Variants in NRXN3 observed in about 807,000 individuals in gnomAD.
The protein encoded by NRXN3 is neurexin III.
Under a neutral mutation model 137.6 loss-of-function variants are expected in NRXN3, and 32 were observed. That is an observed-to-expected ratio of 0.23 (90% CI 0.18 to 0.31). NRXN3 has a LOEUF of 0.31. Among genes scored for constraint, NRXN3 ranks in the 10% least tolerant of loss-of-function variants. The pLI, the probability that NRXN3 is intolerant of heterozygous loss-of-function variation, is 1.00. For missense variants in NRXN3, 1,574 were observed against 2,062.5 expected (o/e 0.76, Z 4.59); for synonymous variants, 798 against 784.5 (o/e 1.02, Z -0.29).
intron 6 of NRXN3, among the ~76,000 whole-genome samples, chr14:78,654,195 A>T (rs2097768394): frequency 1.3e-5 from 2 of 152,190 alleles, no homozygotes; most frequent in South Asian, 4.1e-4. Context: ...GTTTTTGATA[A>T]ATCAGTAAAC....
intron 15 of NRXN3, among the ~76,000 whole-genome samples, chr14:79,388,885 T>C (rs1201032042): frequency 1.3e-5 from 2 of 152,164 alleles, no homozygotes; most frequent in Non-Finnish European, 2.9e-5. Flanking sequence ...GTCATGATAG[T>C]AAGTCTCACG....
chr14:78,736,793 A>ATATGT (rs1449057426), intron 8 of NRXN3, among the ~76,000 whole-genome samples: 20 of 152,354 alleles, frequency 1.3e-4, no homozygotes, highest in African/African-American at 4.8e-4. Flanking sequence ...AATAAAAAAT[A>ATATGT]AGCAGAATAC....
At chr14:79,470,921 A>T (rs8019193) in intron 16 of NRXN3, among the ~76,000 whole-genome samples, 2,388 of 86,160 alleles carry the variant, frequency 0.028, 65 homozygotes, top group African/African-American at 0.11. Flanking sequence ...TGTGTGTGTG[A>T]GAGAGAGAGA....
chr14:78,763,871 C>T (rs1004939733), intron 8 of NRXN3, among the ~76,000 whole-genome samples: 1 of 152,134 alleles, frequency 6.6e-6, no homozygotes. Flanking sequence ...AATCCCTTGG[C>T]ATTTCTTCCT....
intron 4 of NRXN3, 45 bp from the exon 5 acceptor site, chr14:78,645,075 T>C: frequency 6.7e-7 from 1 of 1,481,980 alleles, no homozygotes; most frequent in African/African-American, 1.4e-5. Flanking sequence ...GGTCTGACTC[T>C]TGCCAGACAA....
chr14:78,340,607 CT>C (rs1386515958), intron 4 of NRXN3, among the ~76,000 whole-genome samples: 10 of 152,134 alleles, frequency 6.6e-5, no homozygotes, highest in Non-Finnish European at 1.3e-4. Flanking sequence ...GGCTTCTCGT[CT>C]TCCAGGGTCT....
At chr14:79,424,077 A>G (rs1441837373) in intron 15 of NRXN3, among the ~76,000 whole-genome samples, 5 of 152,222 alleles carry the variant, frequency 3.3e-5, no homozygotes, top group Non-Finnish European at 5.9e-5. Flanking sequence ...AAGTGATTGT[A>G]TAAGAAACTC....
chr14:78,565,379 C>T (rs1027847229), intron 4 of NRXN3, among the ~76,000 whole-genome samples: 6 of 152,188 alleles, frequency 3.9e-5, no homozygotes, highest in Non-Finnish European at 7.3e-5. Flanking sequence ...GAGAGCTTTT[C>T]CAGTGTGAGA....
intron 10 of NRXN3, among the ~76,000 whole-genome samples, chr14:78,950,654 AAG>A (rs765850331): frequency 1.5e-4 from 23 of 151,990 alleles, no homozygotes; most frequent in Non-Finnish European, 2.6e-4. Context: ...AGAAGGAAGG[AAG>A]GAAAAAAGGA....
chr14:78,972,527 C>T (rs61995269), intron 14 of NRXN3, among the ~76,000 whole-genome samples: 14,054 of 152,182 alleles, frequency 0.092, 699 homozygotes, highest in African/African-American at 0.13. Flanking sequence ...ATTGCACACA[C>T]GTGTCTTTCA....
At chr14:79,274,854 A>T (rs2080027228) in intron 15 of NRXN3, among the ~76,000 whole-genome samples, 1 of 152,194 alleles carries the variant, frequency 6.6e-6, no homozygotes, top group Admixed American at 6.5e-5. Context: ...GGACAAGGGC[A>T]TAACTATGGA....
At chr14:79,061,123 A>C (rs948600107) in intron 15 of NRXN3, among the ~76,000 whole-genome samples, 3 of 152,216 alleles carry the variant, frequency 2.0e-5, no homozygotes, top group African/African-American at 7.2e-5. Context: ...GAGATCCTTA[A>C]TTGATTAATT....
chr14:79,686,704 C>T (rs1188354494), intron 17 of NRXN3, among the ~76,000 whole-genome samples: 1 of 152,176 alleles, frequency 6.6e-6, no homozygotes, highest in African/African-American at 2.4e-5. Flanking sequence ...GTTTGTCTGA[C>T]TCCATATCCA....
At chr14:78,464,366 G>A (rs1318656025) in intron 4 of NRXN3, among the ~76,000 whole-genome samples, 1 of 152,170 alleles carries the variant, frequency 6.6e-6, no homozygotes, top group Non-Finnish European at 1.5e-5. Flanking sequence ...GAAAAGGAGA[G>A]TTTTTGATGA....
At chr14:79,695,431 C>A (rs552040139) in intron 18 of NRXN3, among the ~76,000 whole-genome samples, 1 of 151,896 alleles carries the variant, frequency 6.6e-6, no homozygotes, top group Non-Finnish European at 1.5e-5. Flanking sequence ...GATTCGCCAG[C>A]AGTTGTGTGC....
chr14:79,216,068 T>G (rs1290649813), intron 15 of NRXN3, among the ~76,000 whole-genome samples: 1 of 152,196 alleles, frequency 6.6e-6, no homozygotes, highest in Non-Finnish European at 1.5e-5. Flanking sequence ...TGTTCCCTGA[T>G]GTCTTTGATC....
At chr14:79,784,658 C>T (rs1340735428) in intron 19 of NRXN3, among the ~76,000 whole-genome samples, 3 of 131,734 alleles carry the variant, frequency 2.3e-5, no homozygotes, top group East Asian at 2.4e-4. Context: ...AAAGTTCAAA[C>T]GAGCACAGCA....
intron 19 of NRXN3, among the ~76,000 whole-genome samples, chr14:79,739,354 C>T (rs1418315961): frequency 1.3e-5 from 2 of 151,996 alleles, no homozygotes; most frequent in Non-Finnish European, 2.9e-5. Context: ...CACTTTAGAA[C>T]CCAGCCCTCA....
intron 16 of NRXN3, among the ~76,000 whole-genome samples, chr14:79,470,866 G>A (rs2096490959): frequency 6.6e-6 from 1 of 151,664 alleles, no homozygotes; most frequent in African/African-American, 2.4e-5. Context: ...GTATATGTGT[G>A]TGTGTGTGAG....
Sources: gnomAD v4.1 joint callset for allele counts (sites outside exome capture counted in the v4.1 genomes callset) on GRCh38, gnomAD v4.1.1 for gene constraint, MANE v1.5 for transcripts, NCBI Gene and HGNC (gene_info 2026-07-23, HGNC 2026-07-21) for gene names.